TCF7L2: variants seen among roughly 807,000 people sequenced by gnomAD.
The protein encoded by TCF7L2 is transcription factor 7 like 2.
TCF7L2 carries 23 observed loss-of-function variants against 77.9 expected under a neutral mutation model. The ratio of observed to expected loss-of-function variants is 0.30; its 90% CI spans 0.21 to 0.42. The LOEUF is 0.42. Among genes scored for constraint, TCF7L2 ranks in the 10% least tolerant of loss-of-function variants. The pLI is 1.00. For synonymous variants in TCF7L2, 413 were observed against 340.2 expected (o/e 1.21, Z -2.36); for missense variants, 654 against 793.1 (o/e 0.82, Z 2.11).
At chr10:112,979,456 C>T (rs758989256) in intron 4 of TCF7L2, among the ~76,000 whole-genome samples, 20 of 152,096 alleles carry the variant, frequency 1.3e-4, no homozygotes, top group Non-Finnish European at 2.5e-4. Context: ...GTTGAAGAAC[C>T]AGTAAAAGAA....
Position 113,008,129 on chromosome 10 carries a change from T to G in TCF7L2, c.451-31896T>G, listed in dbSNP as rs138679822. On this transcript the variant is annotated intron_variant, in intron 4 of 13. Coordinates refer to ENST00000627217, the MANE Select transcript of TCF7L2 (RefSeq NM_001146274.2). ...CTGAGCTTTGCAGACACTTTGGTTGTTGTTTAATTTAACATTTTCTGCAAT... is the reference window on the plus strand; with the variant it reads ...CTGAGCTTTGCAGACACTTTGGTTGGTGTTTAATTTAACATTTTCTGCAAT... Among the ~76,000 whole-genome samples, 570 of 152,372 alleles carry G rather than the reference T, an allele frequency of 3.7e-3. 2 individuals are homozygous for G. Among genetic ancestry groups the G allele is most frequent in the African/African-American group, 0.013 (545 of 41,594 alleles).
chr10:112,993,539 A>G (rs1002361990), intron 4 of TCF7L2, among the ~76,000 whole-genome samples: 1 of 152,018 alleles, frequency 6.6e-6, no homozygotes, highest in African/African-American at 2.4e-5. Context: ...TGCTTTTGCC[A>G]TGGGCTGTCT....
In TCF7L2 at chr10:113,052,147, G is replaced by C. The variant is rs531725667; in HGVS notation, c.552+12021G>C. ...TTTTCCTTTAAGACACATAGAAATTGTGAGAAGATCCTGCAGCCCCGAAAG... is the reference window on the plus strand; with the variant it reads ...TTTTCCTTTAAGACACATAGAAATTCTGAGAAGATCCTGCAGCCCCGAAAG... On this transcript the variant is annotated intron_variant, in intron 5 of 13. Transcript: ENST00000627217. 2.6e-5 allele frequency among the ~76,000 whole-genome samples: 4 copies of C among 152,300 alleles called. No homozygotes were observed. The East Asian group carries it at 7.7e-4, about 29-fold the overall frequency.
At chr10:113,141,444 C>T (rs1204067197) in intron 6 of TCF7L2, 128 bp downstream of exon 6, 2 of 1,349,922 alleles carry the variant, frequency 1.5e-6, no homozygotes, top group Non-Finnish European at 2.0e-6. Context: ...GTGGGGGGGC[C>T]CCTGTTGCTT....
chr10:113,107,715 G>C (rs999824286), intron 5 of TCF7L2, among the ~76,000 whole-genome samples: 3 of 129,180 alleles, frequency 2.3e-5, no homozygotes, highest in Non-Finnish European at 4.7e-5. Flanking sequence ...GATCGCACCA[G>C]TGCACTCCAG....
chr10:113,088,133 A>G (rs958424034), intron 5 of TCF7L2, among the ~76,000 whole-genome samples: 5 of 152,052 alleles, frequency 3.3e-5, no homozygotes, highest in African/African-American at 9.7e-5. Context: ...GGGCATAGCT[A>G]TTTCTTTTTT....
chr10:113,145,209 A>C (rs898258400), intron 7 of TCF7L2, among the ~76,000 whole-genome samples: 2 of 150,498 alleles, frequency 1.3e-5, no homozygotes, highest in South Asian at 2.1e-4. Flanking sequence ...GTCTCTTCTT[A>C]TTTTTATTGG....
chr10:113,106,868 C>A (rs1193168833), intron 5 of TCF7L2, among the ~76,000 whole-genome samples: 3 of 152,224 alleles, frequency 2.0e-5, no homozygotes, highest in Admixed American at 1.3e-4. Context: ...TGAAAATGAT[C>A]CTTTGAAAAC....
intron 2 of TCF7L2, 80 bp from the exon 3 acceptor site, chr10:112,951,403 G>A: frequency 8.0e-7 from 1 of 1,255,978 alleles, no homozygotes; most frequent in South Asian, 1.4e-5. Flanking sequence ...GGCCCCTCGG[G>A]GCACTTTCTA....
chr10:113,121,771 A>G (rs1217506255), intron 5 of TCF7L2, among the ~76,000 whole-genome samples: 1 of 137,440 alleles, frequency 7.3e-6, no homozygotes, highest in African/African-American at 2.9e-5. Context: ...GCACACATAC[A>G]CACAACACAC....
chr10:113,015,304 C>T (rs2047144222), intron 4 of TCF7L2, among the ~76,000 whole-genome samples: 1 of 152,222 alleles, frequency 6.6e-6, no homozygotes. Flanking sequence ...ACTTTGAAAT[C>T]CTCAGATGAA....
intron 5 of TCF7L2, among the ~76,000 whole-genome samples, chr10:113,080,403 A>G (rs1466707478): frequency 6.6e-6 from 1 of 151,958 alleles, no homozygotes; most frequent in African/African-American, 2.4e-5. Flanking sequence ...GTGACTGCCT[A>G]AGCAGTCAGA....
chr10:113,049,139 G>T (rs2053956940), intron 5 of TCF7L2, among the ~76,000 whole-genome samples: 1 of 152,062 alleles, frequency 6.6e-6, no homozygotes, highest in African/African-American at 2.4e-5. Flanking sequence ...ATCCAGGCAA[G>T]AATGACCATA....
At chr10:113,134,581 C>T (rs547457024) in intron 5 of TCF7L2, among the ~76,000 whole-genome samples, 14 of 152,324 alleles carry the variant, frequency 9.2e-5, no homozygotes, top group African/African-American at 3.4e-4. Flanking sequence ...GCCCTTCCTT[C>T]ATTGTGTTCC....
At chr10:113,077,410 A>G (rs1449776802) in intron 5 of TCF7L2, among the ~76,000 whole-genome samples, 1 of 152,190 alleles carries the variant, frequency 6.6e-6, no homozygotes, top group Non-Finnish European at 1.5e-5. Context: ...TATTTGCAGA[A>G]CTATGCAACC....
intron 11 of TCF7L2, among the ~76,000 whole-genome samples, chr10:113,155,745 C>T (rs1016368408): frequency 6.6e-6 from 1 of 152,204 alleles, no homozygotes; most frequent in African/African-American, 2.4e-5. Flanking sequence ...CTTCAGGCTC[C>T]TAAATGAACC....
Position 112,950,844 on chromosome 10 carries a change from A to C in TCF7L2, c.88A>C (p.Lys30Gln), listed in dbSNP as rs780321853. 6.2e-7 allele frequency: 1 copy of C among 1,608,972 alleles called. No individual in the cohort carries two copies. The highest frequency in any genetic ancestry group is 1.1e-5 in the South Asian group (1 of 89,984). ...CAAAGACGAGGGCGAACAGGAGGAG[A>C]AGAGCTCCGAAAACTCCTCGGCAGA... The change falls in exon 1 of 14, where the codon AAG becomes CAG. Residue 30 changes from lysine to glutamine, a missense_variant. Lys to Gln is a moderately conservative substitution (Grantham distance 53). Coordinates refer to ENST00000627217, the MANE Select transcript of TCF7L2 (RefSeq NM_001146274.2).
intron 4 of TCF7L2, among the ~76,000 whole-genome samples, chr10:113,014,805 C>T (rs2047064183): frequency 6.6e-6 from 1 of 151,906 alleles, no homozygotes; most frequent in Middle Eastern, 3.2e-3. Context: ...AACAAACAAA[C>T]AAACAAAAAC....
intron 4 of TCF7L2, among the ~76,000 whole-genome samples, chr10:112,987,311 T>A (rs1047767396): frequency 6.6e-6 from 1 of 152,158 alleles, no homozygotes; most frequent in African/African-American, 2.4e-5. Flanking sequence ...ATAGGCATAG[T>A]AAAACTGTCT....
Sources: allele counts gnomAD v4.1 joint callset (sites outside exome capture counted in the v4.1 genomes callset), GRCh38; gene constraint gnomAD v4.1.1; transcripts MANE v1.5; gene names NCBI Gene and HGNC (gene_info 2026-07-23, HGNC 2026-07-21).